Variants in NAALADL2 observed in about 807,000 individuals in gnomAD.
NAALADL2 encodes the protein inactive N-acetylated-alpha-linked acidic dipeptidase-like protein 2.
In NAALADL2, 76 loss-of-function variants were observed where a neutral mutation model predicts 87.2. The observed-to-expected ratio is 0.87, with a 90% CI of 0.72 to 1.05. The LOEUF is 1.05. Among genes scored for constraint, NAALADL2 ranks in the 50% least tolerant of loss-of-function variants. The pLI, the probability that NAALADL2 is intolerant of heterozygous loss-of-function variation, is 0.00. For missense variants in NAALADL2, 1,089 were observed against 945.8 expected (o/e 1.15, Z -1.99); for synonymous variants, 354 against 331.0 (o/e 1.07, Z -0.75).
intron 11 of NAALADL2, chr3:175,676,875 T>C (rs908482521): frequency 6.6e-6 from 1 of 152,158 alleles, no homozygotes; most frequent in African/African-American, 2.4e-5. Flanking sequence ...TGATGAGTCC[T>C]TGGAAGTGCT....
intron 1 of NAALADL2, among the ~76,000 whole-genome samples, chr3:174,441,317 C>G (rs1007300760): frequency 6.6e-6 from 1 of 152,192 alleles, no homozygotes; most frequent in Non-Finnish European, 1.5e-5. Flanking sequence ...GCCAAAGGAG[C>G]TCCCAACCCG....
intron 5 of NAALADL2, among the ~76,000 whole-genome samples, chr3:175,409,327 C>T (rs559019393): frequency 1.1e-4 from 16 of 151,752 alleles, no homozygotes; most frequent in African/African-American, 2.9e-4. Flanking sequence ...AAGTGCCTAC[C>T]TACTTGTGGC....
chr3:175,174,576 A>T (rs1735404294), intron 2 of NAALADL2, among the ~76,000 whole-genome samples: 1 of 152,118 alleles, frequency 6.6e-6, no homozygotes, highest in Non-Finnish European at 1.5e-5. Context: ...GACAAAAATA[A>T]GTGTGTCAAA....
chr3:175,132,002 C>T (rs1481287748), intron 2 of NAALADL2, among the ~76,000 whole-genome samples: 42 of 127,854 alleles, frequency 3.3e-4, no homozygotes, highest in East Asian at 5.3e-4. Flanking sequence ...GGGGACTGAC[C>T]CCCCCACCTC....
At chr3:175,152,787 A>G (rs1731733945) in intron 2 of NAALADL2, among the ~76,000 whole-genome samples, 1 of 151,942 alleles carries the variant, frequency 6.6e-6, no homozygotes. Flanking sequence ...GGCACCTGTA[A>G]TCCCGGCTAC....
chr3:174,655,789 A>G (rs1288881863), intron 2 of NAALADL2, among the ~76,000 whole-genome samples: 1 of 152,200 alleles, frequency 6.6e-6, no homozygotes, highest in Non-Finnish European at 1.5e-5. Context: ...CCATTAACTA[A>G]AAAAGAGAAT....
chr3:174,659,626 A>G (rs1258847397), intron 2 of NAALADL2, among the ~76,000 whole-genome samples: 1 of 152,110 alleles, frequency 6.6e-6, no homozygotes, highest in East Asian at 1.9e-4. Context: ...TTCTGAACTC[A>G]CTGGTCTTCT....
chr3:174,624,399 G>A (rs1173024077), intron 2 of NAALADL2, among the ~76,000 whole-genome samples: 1 of 152,082 alleles, frequency 6.6e-6, no homozygotes, highest in Non-Finnish European at 1.5e-5. Flanking sequence ...GGAGGCGGGT[G>A]GATCATTTGA....
At chr3:175,596,564 T>C (rs1000151150) in intron 10 of NAALADL2, among the ~76,000 whole-genome samples, 1 of 151,936 alleles carries the variant, frequency 6.6e-6, no homozygotes, top group African/African-American at 2.4e-5. Flanking sequence ...ATTTTTTTGC[T>C]ATTCATCTTT....
chr3:175,210,569 A>G (rs557006228), intron 2 of NAALADL2, among the ~76,000 whole-genome samples: 1 of 151,894 alleles, frequency 6.6e-6, no homozygotes, highest in Admixed American at 6.6e-5. Context: ...AAGCTTACAT[A>G]TATTGTTAAT....
intron 9 of NAALADL2, among the ~76,000 whole-genome samples, chr3:175,484,835 T>G (rs1727015611): frequency 6.6e-6 from 1 of 152,138 alleles, no homozygotes; most frequent in Non-Finnish European, 1.5e-5. Flanking sequence ...AAACAAGAAG[T>G]GAAAGCTTGA....
At chr3:175,275,178 T>G (rs951278951) in intron 4 of NAALADL2, among the ~76,000 whole-genome samples, 3 of 152,170 alleles carry the variant, frequency 2.0e-5, no homozygotes, top group Admixed American at 1.3e-4. Flanking sequence ...AAATAAAATG[T>G]GAAAATCAAA....
At chr3:175,465,213 C>T (rs1430673296) in intron 7 of NAALADL2, among the ~76,000 whole-genome samples, 3 of 146,454 alleles carry the variant, frequency 2.0e-5, no homozygotes, top group African/African-American at 5.1e-5. Flanking sequence ...GATCACGCCA[C>T]TGCACTCCAG....
At chr3:174,837,010 A>G (rs1394470389) in intron 3 of NAALADL2, among the ~76,000 whole-genome samples, 1 of 152,174 alleles carries the variant, frequency 6.6e-6, no homozygotes, top group Non-Finnish European at 1.5e-5. Context: ...TGGTGCTAAG[A>G]GGAACGTTCA....
intron 11 of NAALADL2, among the ~76,000 whole-genome samples, chr3:175,697,783 A>ATG (rs201474478): frequency 1.4e-5 from 2 of 144,094 alleles, no homozygotes; most frequent in African/African-American, 5.2e-5. Context: ...ATACATATAT[A>ATG]TGTGTGTGTA....
intron 2 of NAALADL2, among the ~76,000 whole-genome samples, chr3:174,555,672 A>G (rs946625719): frequency 1.3e-5 from 2 of 152,126 alleles, no homozygotes; most frequent in African/African-American, 2.4e-5. Flanking sequence ...GATGGTAATA[A>G]ACTGGGGAGG....
At chr3:174,498,045 T>C (rs185669298) in intron 1 of NAALADL2, among the ~76,000 whole-genome samples, 60 of 152,292 alleles carry the variant, frequency 3.9e-4, no homozygotes, top group Admixed American at 3.3e-3. Context: ...TGAAGTATAA[T>C]TGATATACAG....
intron 1 of NAALADL2, among the ~76,000 whole-genome samples, chr3:175,075,190 T>C (rs1200985994): frequency 6.6e-6 from 1 of 152,108 alleles, no homozygotes; most frequent in African/African-American, 2.4e-5. Flanking sequence ...AAAATATAAG[T>C]GGTGAAGCTG....
chr3:174,964,720 G>T (rs1742613885), intron 1 of NAALADL2, among the ~76,000 whole-genome samples: 1 of 151,924 alleles, frequency 6.6e-6, no homozygotes, highest in Non-Finnish European at 1.5e-5. Flanking sequence ...GTCCTCAGTG[G>T]CTCATATATT....
Sources: gnomAD v4.1 joint callset for allele counts (sites outside exome capture counted in the v4.1 genomes callset) on GRCh38, gnomAD v4.1.1 for gene constraint, MANE v1.5 for transcripts, NCBI Gene and HGNC (gene_info 2026-07-23, HGNC 2026-07-21) for gene names.